Variants in VEZT observed in about 807,000 individuals in gnomAD.
The protein encoded by VEZT is vezatin, adherens junctions transmembrane protein, also known as vezatin.
A neutral mutation model predicts 79.9 loss-of-function variants in VEZT; 39 were observed. That is an observed-to-expected ratio of 0.49 (90% confidence interval 0.38 to 0.64). VEZT has a LOEUF of 0.64. VEZT is among the 30% of genes least tolerant of loss of function. VEZT has a pLI of 0.00. For synonymous variants in VEZT, 325 were observed against 327.6 expected, an observed-to-expected ratio of 0.99 and a Z score of 0.09; for missense variants, 837 against 893.1, an observed-to-expected ratio of 0.94 and a Z score of 0.80.
chr12:95,260,387 T>G (rs925113565), intron 3 of VEZT, among the ~76,000 whole-genome samples: 3 of 152,102 alleles, frequency 2.0e-5, no homozygotes, highest in Admixed American at 6.6e-5. Flanking sequence ...ATTACAGGGG[T>G]GAACCACAGT....
At chr12:95,283,046 A>G (rs1459809144) in intron 8 of VEZT, among the ~76,000 whole-genome samples, 4 of 152,192 alleles carry the variant, frequency 2.6e-5, no homozygotes, top group African/African-American at 9.7e-5. Context: ...TATGTTATAT[A>G]TAGTGGAAGA....
intron 3 of VEZT, among the ~76,000 whole-genome samples, chr12:95,260,771 C>T (rs959591775): frequency 6.6e-6 from 1 of 152,150 alleles, no homozygotes; most frequent in Non-Finnish European, 1.5e-5. Context: ...ATAGTAAGAT[C>T]AATTTCAGAG....
chr12:95,257,676 G>T (rs1367427860), intron 3 of VEZT, among the ~76,000 whole-genome samples: 1 of 152,068 alleles, frequency 6.6e-6, no homozygotes, highest in South Asian at 2.1e-4. Context: ...CTCCAGGGGG[G>T]AAATACTTCA....
At chr12:95,273,749 C>A (rs1176141244) in intron 6 of VEZT, among the ~76,000 whole-genome samples, 1 of 151,902 alleles carries the variant, frequency 6.6e-6, no homozygotes, top group African/African-American at 2.4e-5. Context: ...AGTTGTATTA[C>A]AAAGAATATA....
chr12:95,268,408 G>A (rs911380360), intron 5 of VEZT, among the ~76,000 whole-genome samples: 5 of 152,150 alleles, frequency 3.3e-5, no homozygotes, highest in Non-Finnish European at 5.9e-5. Flanking sequence ...TGAGGCAGGA[G>A]AATGGCATGA....
intron 6 of VEZT, among the ~76,000 whole-genome samples, chr12:95,270,945 A>G (rs1289338454): frequency 1.3e-5 from 2 of 152,216 alleles, no homozygotes; most frequent in Non-Finnish European, 2.9e-5. Flanking sequence ...CAACTTTGCC[A>G]CTTCAGAATG....
chr12:95,235,557 C>T (rs1449385489), intron 1 of VEZT, among the ~76,000 whole-genome samples: 1 of 145,708 alleles, frequency 6.9e-6, no homozygotes, highest in East Asian at 2.1e-4. Flanking sequence ...CCCCCGACCT[C>T]CCTCCCGGAC....
rs1171993492 is a variant in VEZT at position 95,240,062 on chromosome 12, AAGGAAGG to A, written c.37-11876_37-11870del. ...GAAGGAAGGAAGGAAGGAAGGAAGGAAGGAAGGAAGGAAGAAAAGAAAGAGGAAAACA... is the reference window on the plus strand; with the variant it reads ...GAAGGAAGGAAGGAAGGAAGGAAGGAAAGGAAGAAAAGAAAGAGGAAAACA... On this transcript the variant is annotated intron_variant, in intron 1 of 11. Transcript: ENST00000436874. Among the ~76,000 whole-genome samples, 229 of 138,876 alleles carry A rather than the reference AAGGAAGG, an allele frequency of 1.6e-3. 1 individual carries two copies. Among genetic ancestry groups the A allele is most frequent in the African/African-American group, 5.7e-3 (199 of 34,958 alleles). The allele number at this position is 138,876 out of a possible 152,430, so 91.1% of individuals were successfully genotyped here. A position where few individuals can be genotyped will look rare whatever the true frequency, so the allele number is the denominator to read the frequency against.
chr12:95,228,010 T>C (rs2058730820), intron 1 of VEZT, among the ~76,000 whole-genome samples: 1 of 152,216 alleles, frequency 6.6e-6, no homozygotes, highest in Non-Finnish European at 1.5e-5. Flanking sequence ...GTTACTGTTT[T>C]TGGTGTTTGT....
At chr12:95,242,496 G>A (rs1458254431) in intron 1 of VEZT, among the ~76,000 whole-genome samples, 2 of 152,176 alleles carry the variant, frequency 1.3e-5, no homozygotes, top group Non-Finnish European at 2.9e-5. Context: ...ATTCACAAGT[G>A]TGATCATAGG....
chr12:95,233,117 T>C (rs1253608609), intron 1 of VEZT, among the ~76,000 whole-genome samples: 4 of 152,022 alleles, frequency 2.6e-5, no homozygotes, highest in Non-Finnish European at 5.9e-5. Flanking sequence ...ATTGTTAGTT[T>C]TTATATGGGA....
At chr12:95,244,003 G>A (rs1362391509) in intron 1 of VEZT, 1 of 455,988 alleles carries the variant, frequency 2.2e-6, no homozygotes, top group Non-Finnish European at 4.4e-6. Flanking sequence ...GCAGAACTAT[G>A]AGCTAAGTAA....
intron 1 of VEZT, among the ~76,000 whole-genome samples, chr12:95,237,285 T>G (rs2060321902): frequency 6.6e-6 from 1 of 152,206 alleles, no homozygotes. Context: ...ATAAGGTTAT[T>G]GCAAAGATGA....
rs542533020 is a variant in VEZT at position 95,276,576 on chromosome 12, A to G, written c.996+1687A>G. Among the ~76,000 whole-genome samples, 5 of 152,086 alleles carry G rather than the reference A, an allele frequency of 3.3e-5. No homozygotes were observed. In the East Asian group the frequency reaches 9.7e-4, roughly 29 times the overall value. ...TGAGCCACCATGCCCAGCCTCCAGT[A>G]GTATTTTTAAGACATTGATCCAAAT... On this transcript the variant is annotated intron_variant, in intron 7 of 11. Transcript: ENST00000436874.
At chr12:95,288,241 C>T (rs1171555120) in intron 9 of VEZT, among the ~76,000 whole-genome samples, 3 of 151,980 alleles carry the variant, frequency 2.0e-5, no homozygotes, top group Non-Finnish European at 4.4e-5. Flanking sequence ...AGATAAAATA[C>T]TTAACTTTAG....
rs779075644 is a variant in VEZT at position 95,274,768 on chromosome 12, A to C, written c.875A>C (p.Asn292Thr). Reference sequence around the variant, plus strand: ...TACCCCCTGAACTCTGAGAGTGACAATGTAACCAACTACATCTGTGTGGTG... The same window carrying C: ...TACCCCCTGAACTCTGAGAGTGACACTGTAACCAACTACATCTGTGTGGTG... Reference protein sequence around the residue: ...KNYPLNSESDNVTNYICVVPF... With the variant: ...KNYPLNSESDTVTNYICVVPF... Residue 292 changes from asparagine to threonine, a missense_variant, in exon 7 of 12, where the codon AAT becomes ACT. By Grantham distance (65) the Asn-to-Thr change is moderately conservative (BLOSUM62 0). Transcript: ENST00000436874. The C allele has an allele frequency of 4.3e-6, 7 of 1,613,408 alleles. No individual in the cohort carries two copies. Among genetic ancestry groups the C allele is most frequent in the Non-Finnish European group, 5.9e-6 (7 of 1,179,662 alleles).
At chr12:95,242,719 A>G (rs947885379) in intron 1 of VEZT, among the ~76,000 whole-genome samples, 2 of 152,108 alleles carry the variant, frequency 1.3e-5, no homozygotes, top group African/African-American at 4.8e-5. Flanking sequence ...GTAAAAATAC[A>G]AAAGTCAGCT....
intron 2 of VEZT, among the ~76,000 whole-genome samples, chr12:95,253,801 GT>G (rs2063009477): frequency 6.6e-6 from 1 of 152,042 alleles, no homozygotes. Context: ...GCCAGAGGTT[GT>G]TTTAAAAAAT....
chr12:95,256,562 A>G, intron 2 of VEZT: 1 of 1,288,628 alleles, frequency 7.8e-7, no homozygotes. Flanking sequence ...CCTGGGATAT[A>G]GTAATCACTC....
Sources: allele counts gnomAD v4.1 joint callset (sites outside exome capture counted in the v4.1 genomes callset), GRCh38; gene constraint gnomAD v4.1.1; transcripts MANE v1.5; gene names NCBI Gene and HGNC (gene_info 2026-07-23, HGNC 2026-07-21).